Variants in ROR1 observed in about 807,000 individuals in gnomAD.
ROR1 encodes inactive tyrosine-protein kinase transmembrane receptor ROR1.
In ROR1, 19 loss-of-function variants were observed where a neutral mutation model predicts 78.8. The ratio of observed to expected loss-of-function variants is 0.24; its 90% CI spans 0.17 to 0.35. The LOEUF (loss-of-function observed/expected upper bound fraction) is 0.35. Ranked by LOEUF, ROR1 falls within the 10% of genes least tolerant of loss-of-function variation. The pLI, the probability that ROR1 is intolerant of heterozygous loss-of-function variation, is 1.00. For missense variants in ROR1, 917 were observed against 1,177.8 expected (o/e 0.78, Z 3.24); for synonymous variants, 386 against 433.6 (o/e 0.89, Z 1.36).
intron 1 of ROR1, among the ~76,000 whole-genome samples, chr1:63,810,012 C>T (rs1358727898): frequency 6.6e-6 from 1 of 152,096 alleles, no homozygotes; most frequent in Non-Finnish European, 1.5e-5. Flanking sequence ...ATGCAACAAG[C>T]AGGATGGATG....
chr1:63,839,782 C>A (rs1485235860), intron 1 of ROR1, among the ~76,000 whole-genome samples: 1 of 151,666 alleles, frequency 6.6e-6, no homozygotes, highest in African/African-American at 2.4e-5. Context: ...TTTTCCAAGT[C>A]TTTATAGATA....
intron 8 of ROR1, among the ~76,000 whole-genome samples, chr1:64,163,791 C>T (rs1650012392): frequency 6.6e-6 from 1 of 152,156 alleles, no homozygotes; most frequent in Admixed American, 6.5e-5. Context: ...CTGCTGGAGT[C>T]TGGCTACCCT....
chr1:64,122,659 A>G (rs1648582543), intron 4 of ROR1, among the ~76,000 whole-genome samples: 1 of 152,122 alleles, frequency 6.6e-6, no homozygotes, highest in Admixed American at 6.6e-5. Flanking sequence ...GGAACTGGAG[A>G]AGGTGCTTAA....
At chr1:63,984,771 A>G (rs1646237155) in intron 1 of ROR1, among the ~76,000 whole-genome samples, 1 of 152,204 alleles carries the variant, frequency 6.6e-6, no homozygotes, top group African/African-American at 2.4e-5. Flanking sequence ...CATGCGTTGG[A>G]TAGCTGAACA....
At chr1:64,030,005 CCCTTTCA>C (rs2100567872) in intron 2 of ROR1, among the ~76,000 whole-genome samples, 1 of 152,276 alleles carries the variant, frequency 6.6e-6, no homozygotes, top group Admixed American at 6.5e-5. Flanking sequence ...AATTTAGTTG[CCCTTTCA>C]CCTACTCAAT....
chr1:64,016,279 G>T (rs1646520269), intron 2 of ROR1, among the ~76,000 whole-genome samples: 2 of 152,192 alleles, frequency 1.3e-5, no homozygotes, highest in South Asian at 4.1e-4. Flanking sequence ...AATGTGAAAT[G>T]TGGACAGTCC....
intron 4 of ROR1, among the ~76,000 whole-genome samples, chr1:64,086,191 G>T (rs1647151625): frequency 6.6e-6 from 1 of 152,096 alleles, no homozygotes; most frequent in African/African-American, 2.4e-5. Context: ...TTGTCTATTT[G>T]TATGACAACC....
chr1:64,125,558 A>G (rs888241068), intron 4 of ROR1, among the ~76,000 whole-genome samples: 2 of 152,146 alleles, frequency 1.3e-5, no homozygotes, highest in African/African-American at 4.8e-5. Context: ...AGCCCCACAT[A>G]ACAGCAACCT....
intron 1 of ROR1, among the ~76,000 whole-genome samples, chr1:63,937,306 A>G (rs988069279): frequency 2.0e-5 from 3 of 151,974 alleles, no homozygotes; most frequent in African/African-American, 7.3e-5. Flanking sequence ...ACCCATTGCC[A>G]CTCCCTGTTC....
intron 2 of ROR1, among the ~76,000 whole-genome samples, chr1:64,048,044 G>A (rs188664555): frequency 1.8e-4 from 28 of 152,212 alleles, no homozygotes; most frequent in African/African-American, 6.0e-4. Context: ...TTGGGGGGAC[G>A]GAAATTAAAG....
In ROR1 at chr1:64,088,530, G is replaced by A. The variant is rs111303569; in HGVS notation, c.482+37814G>A. 4.7e-3 allele frequency among the ~76,000 whole-genome samples: 682 copies of A among 145,684 alleles called. 3 individuals are homozygous for A. The highest frequency in any genetic ancestry group is 0.014 in the Middle Eastern group (4 of 278). ...ATGAAAGATCTGGAAATGAAAAATA[G>A]CATTATCTGATTCTTTGGATCTAGT... On this transcript the variant is annotated intron_variant, in intron 4 of 8. Coordinates refer to ENST00000371079, the MANE Select transcript of ROR1 (RefSeq NM_005012.4).
At chr1:64,166,406 G>C (rs1228074828) in intron 8 of ROR1, among the ~76,000 whole-genome samples, 1 of 152,202 alleles carries the variant, frequency 6.6e-6, no homozygotes, top group Non-Finnish European at 1.5e-5. Context: ...ATCAATGGTA[G>C]TTGAGTAGGA....
intron 4 of ROR1, among the ~76,000 whole-genome samples, chr1:64,061,619 C>G (rs1040398228): frequency 1.3e-5 from 2 of 152,280 alleles, no homozygotes; most frequent in African/African-American, 4.8e-5. Flanking sequence ...GGTGCTGGTG[C>G]TGCTGGTTCA....
intron 7 of ROR1, among the ~76,000 whole-genome samples, chr1:64,158,689 G>C (rs1020064702): frequency 6.6e-6 from 1 of 152,186 alleles, no homozygotes; most frequent in Admixed American, 6.5e-5. Context: ...AGAAATGTAG[G>C]TCTGCCACTA....
intron 4 of ROR1, among the ~76,000 whole-genome samples, chr1:64,127,074 A>G (rs1193682131): frequency 6.6e-6 from 1 of 152,200 alleles, no homozygotes; most frequent in African/African-American, 2.4e-5. Context: ...TATCACTGTT[A>G]AGCACTTGGG....
rs189352873 is a variant in ROR1 at position 63,968,243 on chromosome 1, C to T, written c.92-41062C>T. ...GACTATAACAATTTTATTTACAGTA[C>T]TGACAAGCAGAATACAAAATAAAAT... On this transcript the variant is annotated intron_variant, in intron 1 of 8. Transcript: ENST00000371079. 1.3e-3 allele frequency among the ~76,000 whole-genome samples: 205 copies of T among 152,124 alleles called. 2 individuals carry two copies. Among genetic ancestry groups the T allele is most frequent in the East Asian group, 2.7e-3 (14 of 5,164 alleles).
At chr1:64,041,060 G>A (rs1046104488) in intron 2 of ROR1, among the ~76,000 whole-genome samples, 1 of 152,158 alleles carries the variant, frequency 6.6e-6, no homozygotes, top group Admixed American at 6.5e-5. Flanking sequence ...GTTATAAAAT[G>A]CAGATTGGCA....
chr1:63,939,799 G>A (rs1029577313), intron 1 of ROR1, among the ~76,000 whole-genome samples: 2 of 152,232 alleles, frequency 1.3e-5, no homozygotes, highest in South Asian at 2.1e-4. Flanking sequence ...TTTCCTGCAC[G>A]TTTTGAGTTA....
intron 4 of ROR1, among the ~76,000 whole-genome samples, chr1:64,054,608 A>C (rs1395606678): frequency 6.6e-6 from 1 of 152,238 alleles, no homozygotes; most frequent in Non-Finnish European, 1.5e-5. Flanking sequence ...CATATATGAC[A>C]AATAATCATT....
Sources: gnomAD v4.1 joint callset for allele counts (sites outside exome capture counted in the v4.1 genomes callset) on GRCh38, gnomAD v4.1.1 for gene constraint, MANE v1.5 for transcripts, NCBI Gene and HGNC (gene_info 2026-07-23, HGNC 2026-07-21) for gene names.